Variants in TNRC6C observed in about 807,000 individuals in gnomAD.
TNRC6C encodes the protein trinucleotide repeat containing adaptor 6C, also known as trinucleotide repeat-containing gene 6C protein.
Under a neutral mutation model 153.7 loss-of-function variants are expected in TNRC6C, and 20 were observed. The observed-to-expected ratio is 0.13, with a 90% CI of 0.09 to 0.19. The LOEUF is 0.19. Ranked by LOEUF, TNRC6C falls within the 10% of genes least tolerant of loss-of-function variation. TNRC6C has a pLI of 1.00. For missense variants in TNRC6C, 1,987 were observed against 2,172.0 expected (o/e 0.91, Z 1.69); for synonymous variants, 811 against 841.4 (o/e 0.96, Z 0.63).
At chr17:78,023,197 C>G (rs1478960789) in intron 1 of TNRC6C, among the ~76,000 whole-genome samples, 26 of 152,148 alleles carry the variant, frequency 1.7e-4, no homozygotes. Flanking sequence ...AAATAATAAC[C>G]TGTTTTATAA....
At position 78,097,736 on chromosome 17, in the gene TNRC6C, G is replaced by C; in HGVS notation, c.4307-607G>C. ...ACCACCTTGCTCAGTGCCGTGTTTG[G>C]TTCTGCAGGGTCCTCCCCGCCATCA... On this transcript the variant is annotated intron_variant, in intron 16 of 19. Coordinates refer to ENST00000301624, the Ensembl canonical transcript of TNRC6C. 1 of 1,543,014 alleles carries C rather than the reference G, an allele frequency of 6.5e-7. No individual in the cohort carries two copies. Among genetic ancestry groups the C allele is most frequent in the Non-Finnish European group, 8.8e-7 (1 of 1,141,706 alleles).
At chr17:78,083,112 G>A in exon 11 of TNRC6C, 4 of 1,613,908 alleles carry the variant, frequency 2.5e-6, no homozygotes, top group South Asian at 1.1e-5. Context: ...TATTAACCTC[G>A]CCAATTAATC....
intron 1 of TNRC6C, among the ~76,000 whole-genome samples, chr17:78,008,254 A>G (rs976065723): frequency 2.0e-5 from 3 of 152,208 alleles, no homozygotes; most frequent in Non-Finnish European, 2.9e-5. Flanking sequence ...TCCCCCAACA[A>G]ATTTGAAAAT....
At chr17:78,031,599 A>G (rs1301449823) in exon 2 of TNRC6C, 5 of 1,232,422 alleles carry the variant, frequency 4.1e-6, no homozygotes, top group Non-Finnish European at 5.1e-6. Context: ...TATCTCAAGC[A>G]GCAACAATGG....
chr17:77,980,553 C>G (rs1169526849), intron 1 of TNRC6C, among the ~76,000 whole-genome samples: 1 of 152,130 alleles, frequency 6.6e-6, no homozygotes, highest in African/African-American at 2.4e-5. Flanking sequence ...GCAAGGAGTT[C>G]TGCTGTGGAT....
At position 78,026,762 on chromosome 17, in the gene TNRC6C, G is replaced by T. The variant is rs192646786; in HGVS notation, c.-545-4754G>T. 2.5e-3 allele frequency among the ~76,000 whole-genome samples: 377 copies of T among 152,278 alleles called. 2 individuals carry two copies. The highest frequency in any genetic ancestry group is 8.6e-3 in the African/African-American group (359 of 41,558). On this transcript the variant is annotated intron_variant, in intron 1 of 19. Transcript: ENST00000301624. ...GCATTTCAGAAGGATCACACTGGCT[G>T]CAGTATAGATGATGGATTAGAGAGA... is the stretch of plus-strand genomic sequence containing the variant.
intron 2 of TNRC6C, among the ~76,000 whole-genome samples, chr17:78,047,101 G>A (rs1351578640): frequency 6.6e-6 from 1 of 152,012 alleles, no homozygotes; most frequent in Non-Finnish European, 1.5e-5. Context: ...CCTGCCTTAT[G>A]GCACAACCTG....
At chr17:78,053,848 A>G (rs900039513) in intron 3 of TNRC6C, among the ~76,000 whole-genome samples, 1 of 152,172 alleles carries the variant, frequency 6.6e-6, no homozygotes, top group African/African-American at 2.4e-5. Flanking sequence ...CCTGGGCAAC[A>G]TAACGAGACC....
In TNRC6C at chr17:78,086,484, C is replaced by G; in HGVS notation, c.3478-19C>G. 6.2e-7 allele frequency: 1 copy of G among 1,607,416 alleles called. No individual in the cohort carries two copies. ...ACACTTAATTATCATACTATTTTAA[C>G]TCTTCGTTCTGTCAACAGGCATACC... On this transcript the variant is annotated intron_variant, in intron 11 of 19. Coordinates refer to ENST00000301624, the Ensembl canonical transcript of TNRC6C.
chr17:78,052,709 C>A (rs376901842), intron 3 of TNRC6C, among the ~76,000 whole-genome samples: 7 of 151,984 alleles, frequency 4.6e-5, no homozygotes, highest in African/African-American at 1.5e-4. Context: ...CAGGACCTCC[C>A]CTGGCCCACC....
At chr17:78,067,790 G>A (rs374006694) in exon 5 of TNRC6C, 2 of 1,613,524 alleles carry the variant, frequency 1.2e-6, no homozygotes, top group Non-Finnish European at 8.5e-7. Context: ...TGGGGCAGTG[G>A]TGGGGATGAA....
At chr17:77,998,549 A>AT (rs1447015823) in intron 1 of TNRC6C, among the ~76,000 whole-genome samples, 1 of 151,812 alleles carries the variant, frequency 6.6e-6, no homozygotes, top group African/African-American at 2.4e-5. Context: ...AAATTCAGTA[A>AT]TTTTTCTCTG....
chr17:78,017,185 T>G (rs2071743732), intron 1 of TNRC6C, among the ~76,000 whole-genome samples: 2 of 152,192 alleles, frequency 1.3e-5, no homozygotes, highest in Non-Finnish European at 2.9e-5. Context: ...TGGAGATTTG[T>G]TGATTATTTG....
chr17:78,026,922 A>G (rs2071952301), intron 1 of TNRC6C, among the ~76,000 whole-genome samples: 1 of 152,112 alleles, frequency 6.6e-6, no homozygotes, highest in Non-Finnish European at 1.5e-5. Flanking sequence ...AGAAATGACA[A>G]GGTTTGGTGA....
intron 11 of TNRC6C, among the ~76,000 whole-genome samples, chr17:78,085,805 C>T (rs2073268931): frequency 6.6e-6 from 1 of 151,058 alleles, no homozygotes; most frequent in African/African-American, 2.4e-5. Context: ...CTGTCCTGGA[C>T]TTCAGTCTCC....
chr17:78,104,799 T>C lies in TNRC6C; in HGVS notation c.5027T>C (p.Leu1676Pro). 1 of 1,441,732 alleles carries C rather than the reference T, an allele frequency of 6.9e-7. No homozygotes were observed. 89.3% of individuals were successfully genotyped at this position (1,441,732 alleles called of 1,614,324 possible). Residue 1676 changes from leucine (L) to proline (P), a missense_variant, in exon 20 of 20, where the codon CTA (leucine) becomes CCA (proline). By Grantham distance (98) the Leu-to-Pro change is moderately conservative. This residue lies in a region of TNRC6C where 139 missense variants were observed against 148.5 expected (regional missense o/e 0.94). Transcript: ENST00000301624. This position sits in a 1 kb window ranked among gnomAD's most constrained non-coding sequence, Gnocchi z 6.2. ...AGGGTGATAGGCAGCCCCACGCCGC[T>C]AACCACCCTGCTGCCTGGGGACCTG...
chr17:77,999,526 T>C (rs1405061096), upstream of TNRC6C, among the ~76,000 whole-genome samples: 2 of 152,236 alleles, frequency 1.3e-5, no homozygotes, highest in Non-Finnish European at 2.9e-5. Flanking sequence ...AGGCTGTAGC[T>C]GGCATAATCC....
At chr17:77,996,276 C>G (rs1216486160) in intron 1 of TNRC6C, among the ~76,000 whole-genome samples, 1 of 151,968 alleles carries the variant, frequency 6.6e-6, no homozygotes, top group Admixed American at 6.6e-5. Context: ...TATCAAGATT[C>G]CTTGGTTACA....
intron 1 of TNRC6C, among the ~76,000 whole-genome samples, chr17:77,989,559 T>A (rs2071219630): frequency 6.6e-6 from 1 of 152,222 alleles, no homozygotes; most frequent in African/African-American, 2.4e-5. Context: ...CCAACTTTAT[T>A]TTCTTCATAG....
Sources: gnomAD v4.1 joint callset for allele counts (sites outside exome capture counted in the v4.1 genomes callset) on GRCh38, gnomAD v4.1.1 for gene constraint, gnomAD v4.1.1 regional missense constraint, Gnocchi (gnomAD v3.1) non-coding constraint, MANE v1.5 for transcripts, NCBI Gene and HGNC (gene_info 2026-07-23, HGNC 2026-07-21) for gene names.